TRPM3: variants seen among roughly 807,000 people sequenced by gnomAD.
TRPM3 encodes the protein transient receptor potential cation channel subfamily M member 3, also known as long transient receptor potential channel 3.
TRPM3 carries 77 observed loss-of-function variants against 181.2 expected under a neutral mutation model. The observed-to-expected ratio is 0.42, with a 90% CI of 0.35 to 0.51. The LOEUF (loss-of-function observed/expected upper bound fraction) is 0.51. Ranked by LOEUF, TRPM3 falls within the 20% of genes least tolerant of loss-of-function variation. The pLI is 0.01. For synonymous variants in TRPM3, 745 were observed against 796.4 expected (o/e 0.94, Z 1.09); for missense variants, 1,759 against 2,196.7 (o/e 0.80, Z 3.98).
chr9:71,423,914 T>G (rs1347382052), intron 1 of TRPM3, among the ~76,000 whole-genome samples: 1 of 152,088 alleles, frequency 6.6e-6, no homozygotes, highest in East Asian at 1.9e-4. Context: ...CTGCTTTTCT[T>G]CCAAATCCAG....
intron 1 of TRPM3, among the ~76,000 whole-genome samples, chr9:71,050,585 A>G (rs2059957539): frequency 6.6e-6 from 1 of 152,236 alleles, no homozygotes; most frequent in South Asian, 2.1e-4. Context: ...CCACAAAAAA[A>G]TAAAATCTTT....
chr9:70,543,193 G>T (rs965825166), intron 25 of TRPM3, among the ~76,000 whole-genome samples: 1 of 151,988 alleles, frequency 6.6e-6, no homozygotes, highest in Non-Finnish European at 1.5e-5. Context: ...TATTTTTTCT[G>T]ACTTTTATTT....
chr9:71,195,282 C>T (rs2078276799), intron 1 of TRPM3, among the ~76,000 whole-genome samples: 1 of 151,894 alleles, frequency 6.6e-6, no homozygotes, highest in Non-Finnish European at 1.5e-5. Flanking sequence ...TAATATCTAG[C>T]ATCTAGAAGG....
intron 1 of TRPM3, among the ~76,000 whole-genome samples, chr9:71,288,770 A>G (rs1437940693): frequency 1.3e-5 from 2 of 152,150 alleles, no homozygotes; most frequent in Non-Finnish European, 2.9e-5. Flanking sequence ...AAGAAAATCA[A>G]AGAAAAAAGT....
chr9:70,668,679 A>C (rs2062294557), intron 9 of TRPM3, among the ~76,000 whole-genome samples: 1 of 148,758 alleles, frequency 6.7e-6, no homozygotes, highest in Admixed American at 6.7e-5. Flanking sequence ...AAAGAAAAAA[A>C]AAAAAAAAAA....
chr9:70,760,134 C>T (rs1163042817), intron 8 of TRPM3, among the ~76,000 whole-genome samples: 1 of 151,764 alleles, frequency 6.6e-6, no homozygotes, highest in Admixed American at 6.6e-5. Flanking sequence ...AAAAACAGTC[C>T]CATGAAATAC....
intron 1 of TRPM3, among the ~76,000 whole-genome samples, chr9:71,216,893 T>A (rs981895249): frequency 6.6e-6 from 1 of 151,638 alleles, no homozygotes; most frequent in African/African-American, 2.4e-5. Context: ...ATTGCTGTAA[T>A]TTGTACAGCA....
intron 1 of TRPM3, among the ~76,000 whole-genome samples, chr9:71,184,960 C>A (rs2077594688): frequency 1.3e-5 from 2 of 152,110 alleles, no homozygotes; most frequent in Admixed American, 6.6e-5. Context: ...CATACACACA[C>A]AAATACACAA....
intron 1 of TRPM3, among the ~76,000 whole-genome samples, chr9:71,440,958 C>T (rs1179086441): frequency 1.3e-5 from 2 of 152,074 alleles, no homozygotes; most frequent in Non-Finnish European, 2.9e-5. Context: ...TAATTAATCG[C>T]AGGAGAAGCT....
intron 1 of TRPM3, among the ~76,000 whole-genome samples, chr9:71,159,923 TTGAG>T (rs2076196011): frequency 6.6e-6 from 1 of 152,112 alleles, no homozygotes. Flanking sequence ...TAGGGAACTA[TTGAG>T]TGTTTGGAGA....
intron 1 of TRPM3, among the ~76,000 whole-genome samples, chr9:71,211,215 A>G (rs1468012535): frequency 6.6e-6 from 1 of 152,218 alleles, no homozygotes; most frequent in African/African-American, 2.4e-5. Flanking sequence ...TCTCAGAGTC[A>G]TTAACCGTGA....
At position 70,786,311 on chromosome 9, in the gene TRPM3, C is replaced by CAAAAAAAAAAAAAAAAAAAAAAAAA. The variant is rs71367227; in HGVS notation, c.974-2033_974-2032insTTTTTTTTTTTTTTTTTTTTTTTTT. Among the ~76,000 whole-genome samples, 62 of 54,452 alleles carry CAAAAAAAAAAAAAAAAAAAAAAAAA rather than the reference C, an allele frequency of 1.1e-3. 4 individuals carry two copies. Among genetic ancestry groups the CAAAAAAAAAAAAAAAAAAAAAAAAA allele is most frequent in the Non-Finnish European group, 1.6e-3 (46 of 29,120 alleles). 35.7% of individuals were successfully genotyped at this position (54,452 alleles called of 152,430 possible). ...GAAACCCTGTCACTACTAAAAATACCAAAAAAAAAAAAAAAAAAAAAAAAT... is the reference window on the plus strand; with the variant it reads ...GAAACCCTGTCACTACTAAAAATACCAAAAAAAAAAAAAAAAAAAAAAAAAAAAAAAAAAAAAAAAAAAAAAAAAT... On this transcript the variant is annotated intron_variant, in intron 6 of 25. Transcript: ENST00000677713.
At chr9:71,171,525 C>T (rs2076856743) in intron 1 of TRPM3, among the ~76,000 whole-genome samples, 1 of 152,280 alleles carries the variant, frequency 6.6e-6, no homozygotes, top group Non-Finnish European at 1.5e-5. Context: ...AAAGAACCTA[C>T]GTGAATATCG....
At chr9:70,928,519 AAC>A (rs369737756) in intron 1 of TRPM3, among the ~76,000 whole-genome samples, 2 of 151,868 alleles carry the variant, frequency 1.3e-5, no homozygotes, top group African/African-American at 2.4e-5. Context: ...ATTTAATCTA[AAC>A]ACACACACAC....
chr9:71,309,846 A>T (rs1255731487), intron 1 of TRPM3, among the ~76,000 whole-genome samples: 3 of 152,090 alleles, frequency 2.0e-5, no homozygotes, highest in African/African-American at 7.2e-5. Flanking sequence ...AGATTCCCTC[A>T]GCATGCTATT....
chr9:70,585,181 G>A (rs1052381154), intron 22 of TRPM3, among the ~76,000 whole-genome samples: 8 of 152,204 alleles, frequency 5.3e-5, no homozygotes, highest in African/African-American at 1.7e-4. Flanking sequence ...TGGTTTTTGC[G>A]CTTGCACTGA....
chr9:71,325,279 C>A (rs1443994385), intron 1 of TRPM3, among the ~76,000 whole-genome samples: 1 of 152,054 alleles, frequency 6.6e-6, no homozygotes, highest in African/African-American at 2.4e-5. Flanking sequence ...AAATATCAAC[C>A]AAAGTCAATT....
At chr9:71,297,381 A>T (rs2086374693) in intron 1 of TRPM3, among the ~76,000 whole-genome samples, 1 of 152,166 alleles carries the variant, frequency 6.6e-6, no homozygotes, top group South Asian at 2.1e-4. Context: ...GTCCATTCTC[A>T]TGCTGCTATA....
chr9:71,024,616 G>A (rs543812979), intron 1 of TRPM3, among the ~76,000 whole-genome samples: 11 of 152,230 alleles, frequency 7.2e-5, no homozygotes, highest in Non-Finnish European at 1.0e-4. Context: ...GCAAGTTATC[G>A]AAACTTCTCT....
Sources: gnomAD v4.1 joint callset for allele counts (sites outside exome capture counted in the v4.1 genomes callset) on GRCh38, gnomAD v4.1.1 for gene constraint, MANE v1.5 for transcripts, NCBI Gene and HGNC (gene_info 2026-07-23, HGNC 2026-07-21) for gene names.